The following ZNF774 variants were observed in gnomAD, a reference collection of about 807,000 sequenced individuals.
ZNF774 encodes the protein zinc finger protein 774.
Under a neutral mutation model 11.1 loss-of-function variants are expected in ZNF774, and 14 were observed. The ratio of observed to expected loss-of-function variants is 1.26; its 90% CI spans 0.83 to 1.97. The LOEUF (loss-of-function observed/expected upper bound fraction) is 1.97, where lower values mean the gene tolerates loss of function less well. ZNF774 is among the 30% of genes most tolerant of loss of function. The pLI, the probability that ZNF774 is intolerant of heterozygous loss-of-function variation, is 0.00. For synonymous variants in ZNF774, 195 were observed against 212.6 expected (o/e 0.92, Z 0.72); for missense variants, 599 against 587.0 (o/e 1.02, Z -0.21).
rs569922880 is a variant in ZNF774, at chr15:90,358,325, A to G, written c.105-526A>G. 2.2e-4 allele frequency among the ~76,000 whole-genome samples: 34 copies of G among 152,266 alleles called. No individual in the cohort carries two copies. The South Asian group carries it at 6.8e-3, about 31-fold the overall frequency. On this transcript the variant is annotated intron_variant, in intron 2 of 3. Coordinates refer to ENST00000354377, the MANE Select transcript of ZNF774 (RefSeq NM_001004309.3). ...TTGAGTTTGCACTCATTACCTCTAC[A>G]CTATATTGCCTCAGTGTATCATTGT...
At chr15:90,356,175 A>G (rs1468963328) in intron 2 of ZNF774, among the ~76,000 whole-genome samples, 7 of 140,654 alleles carry the variant, frequency 5.0e-5, no homozygotes, top group African/African-American at 1.6e-4. Flanking sequence ...CTGGAGTGCC[A>G]TGGCATGATC....
chr15:90,360,456 T>C lies in ZNF774; in HGVS notation c.625T>C (p.Cys209Arg), dbSNP rs1467337260. The C allele has an allele frequency of 3.7e-6, 6 of 1,613,520 alleles. No individual in the cohort carries two copies. Among genetic ancestry groups the C allele is most frequent in the Non-Finnish European group, 5.1e-6 (6 of 1,180,018 alleles). The change falls in exon 4 of 4, where the codon TGC (cysteine) becomes CGC (arginine). Residue 209 changes from cysteine to arginine, a missense_variant. Coordinates refer to ENST00000354377, the MANE Select transcript of ZNF774 (RefSeq NM_001004309.3). ...ACACACAGGAGAGAAGCCCTACCAA[T>C]GCAAGGGGTGTGAGAAGAAATTCAG... ...RTHTGEKPYQ[C>R]KGCEKKFSDS...
rs764269024 is a variant in ZNF774 at position 90,360,922 on chromosome 15, C to T, written c.1091C>T (p.Thr364Met). 1.2e-5 allele frequency: 19 copies of T among 1,613,692 alleles called. No individual in the cohort carries two copies. Among genetic ancestry groups the T allele is most frequent in the Middle Eastern group, 1.6e-4 (1 of 6,084 alleles). Residue 364 changes from threonine to methionine, a missense_variant, in exon 4 of 4, where the codon ACG becomes ATG. Thr to Met is a moderately conservative substitution (Grantham distance 81). Coordinates refer to ENST00000354377, the MANE Select transcript of ZNF774 (RefSeq NM_001004309.3). Reference protein sequence around the residue: ...KSFSQSSHLVTHQRTHTGERP... With the variant: ...KSFSQSSHLVMHQRTHTGERP... ...TTCAGTCAGAGCTCACATTTGGTCA[C>T]GCACCAAAGAACACACACAGGTGAG...
Position 90,358,459 on chromosome 15 carries a change from C to G in ZNF774, c.105-392C>G, listed in dbSNP as rs1596230763. ...CATGGCTTTTTTGACTGCTGCCATT[C>G]TGGGAAAATTTTAAAGCCCAACATT... On this transcript the variant is annotated intron_variant, in intron 2 of 3. Transcript: ENST00000354377. 4.6e-5 allele frequency among the ~76,000 whole-genome samples: 7 copies of G among 152,292 alleles called. 1 individual carries two copies. Among genetic ancestry groups the G allele is most frequent in the Admixed American group, 4.6e-4 (7 of 15,296 alleles).
chr15:90,360,542 C>G lies in ZNF774; in HGVS notation c.711C>G (p.Cys237Trp). 6.2e-7 allele frequency: 1 copy of G among 1,613,452 alleles called. No homozygotes were observed. ...ACACAGGGGAGAGACCCTATGAGTG[C>G]CCAGAGTGTGGAAAGACTTTTGGGC... Reference protein sequence around the residue: ...RTHTGERPYECPECGKTFGRK... With the variant: ...RTHTGERPYEWPECGKTFGRK... Residue 237 changes from cysteine to tryptophan, a missense_variant, in exon 4 of 4, where the codon TGC becomes TGG. Physicochemically the swap from Cys to Trp is radical, Grantham distance 215. Transcript: ENST00000354377.
chr15:90,359,059 AC>A, intron 3 of ZNF774, 102 bp downstream of exon 3: 204 of 650,002 alleles, frequency 3.1e-4, no homozygotes, highest in Middle Eastern at 6.1e-4. Flanking sequence ...TTACTAGCAG[AC>A]ATTTTTTTTT....
At chr15:90,353,586 C>A (rs554791548) in intron 1 of ZNF774, among the ~76,000 whole-genome samples, 1 of 147,886 alleles carries the variant, frequency 6.8e-6, no homozygotes, top group African/African-American at 2.5e-5. Flanking sequence ...GGTGGTCATG[C>A]TGGCTGCATT....
chr15:90,357,205 T>C (rs1964260713), intron 2 of ZNF774, among the ~76,000 whole-genome samples: 1 of 151,798 alleles, frequency 6.6e-6, no homozygotes, highest in African/African-American at 2.4e-5. Flanking sequence ...ACAGTGGGTA[T>C]TATAATTTAA....
chr15:90,362,612 G>A lies in ZNF774; in HGVS notation c.*1329G>A. 1 of 1,530,910 alleles carries A rather than the reference G, an allele frequency of 6.5e-7. No individual in the cohort carries two copies. Among genetic ancestry groups the A allele is most frequent in the East Asian group, 2.4e-5 (1 of 40,888 alleles). The allele number at this position is 1,530,910 out of a possible 1,614,324, so 94.8% of individuals were successfully genotyped here. A position where few individuals can be genotyped will look rare whatever the true frequency, so the allele number is the denominator to read the frequency against. On this transcript the variant is annotated 3_prime_UTR_variant, in exon 4 of 4. Transcript: ENST00000354377. Reference sequence around the variant, plus strand: ...AAATAAATTGAGGGACGGCAAGTGTGTTGGAAAGAACACCGACTTCATTGA... The same window carrying A: ...AAATAAATTGAGGGACGGCAAGTGTATTGGAAAGAACACCGACTTCATTGA...
intron 3 of ZNF774, among the ~76,000 whole-genome samples, chr15:90,359,627 A>T (rs1034209467): frequency 1.3e-5 from 2 of 151,706 alleles, no homozygotes; most frequent in African/African-American, 2.4e-5. Context: ...GCTAATTTTC[A>T]TATTTTTAGT....
Position 90,362,308 on chromosome 15 carries a change from C to T in ZNF774, c.*1025C>T. ...AGCTCTTTTAAATGGCAGTGTATGG[C>T]AGTGTATCTACCAGAGGTTTGCTGT... On this transcript the variant is annotated 3_prime_UTR_variant, in exon 4 of 4. Coordinates refer to ENST00000354377, the MANE Select transcript of ZNF774 (RefSeq NM_001004309.3). The T allele has an allele frequency of 2.0e-6, 1 of 505,726 alleles. No homozygotes were observed. Among genetic ancestry groups the T allele is most frequent in the Non-Finnish European group, 3.6e-6 (1 of 280,216 alleles). The allele number at this position is 505,726 out of a possible 1,614,324, so 31.3% of individuals were successfully genotyped here.
intron 1 of ZNF774, among the ~76,000 whole-genome samples, chr15:90,353,673 G>A (rs1831603817): frequency 6.6e-6 from 1 of 151,414 alleles, no homozygotes; most frequent in African/African-American, 2.4e-5. Context: ...ATAGCTCACT[G>A]CAGCCTGGAA....
In ZNF774 at chr15:90,360,541, G is replaced by A; in HGVS notation, c.710G>A (p.Cys237Tyr). The change falls in exon 4 of 4, where the codon TGC (cysteine) becomes TAC (tyrosine). Residue 237 changes from cysteine to tyrosine, a missense_variant. Physicochemically the swap from Cys to Tyr is radical, Grantham distance 194. Transcript: ENST00000354377. ...CACACAGGGGAGAGACCCTATGAGT[G>A]CCCAGAGTGTGGAAAGACTTTTGGG... ...RTHTGERPYE[C>Y]PECGKTFGRK... is the part of the protein sequence containing the mutation. The A allele has an allele frequency of 6.2e-7, 1 of 1,614,012 alleles. No homozygotes were observed. Among genetic ancestry groups the A allele is most frequent in the Non-Finnish European group, 8.5e-7 (1 of 1,180,014 alleles).
At chr15:90,355,554 C>G (rs1246274205) in intron 2 of ZNF774, 3 of 391,854 alleles carry the variant, frequency 7.7e-6, no homozygotes, top group Non-Finnish European at 1.5e-5. Context: ...GAAACCCTGT[C>G]TCTACTAAAA....
At chr15:90,357,896 AT>A (rs59624159) in intron 2 of ZNF774, among the ~76,000 whole-genome samples, 292 of 137,576 alleles carry the variant, frequency 2.1e-3, no homozygotes, top group Middle Eastern at 0.011. Flanking sequence ...TCTTATCCCA[AT>A]TTTTTTTTTT....
chr15:90,356,125 T>TTC (rs1302137318), intron 2 of ZNF774, among the ~76,000 whole-genome samples: 3 of 107,578 alleles, frequency 2.8e-5, no homozygotes, highest in South Asian at 3.8e-4. Context: ...CTTTCTTTCT[T>TTC]TTTTTTTTTT....
rs772291912 is a variant in ZNF774, at chr15:90,360,340, T to C, written c.509T>C (p.Leu170Pro). Residue 170 changes from leucine (L) to proline (P), a missense_variant, in exon 4 of 4, where the codon CTA becomes CCA. Physicochemically the swap from Leu to Pro is moderately conservative, Grantham distance 98. Transcript: ENST00000354377. The stretch of plus-strand genomic sequence containing the variant: ...CAGAGTTCCTATCTCATAAGACACC[T>C]AAGAACCCACACTGGCGAGAGGCCC... ...FNQSSYLIRH[L>P]RTHTGERPYT... 1 of 1,614,026 alleles carries C rather than the reference T, an allele frequency of 6.2e-7. No individual in the cohort carries two copies.
At chr15:90,357,211 T>C (rs977143358) in intron 2 of ZNF774, among the ~76,000 whole-genome samples, 3 of 151,864 alleles carry the variant, frequency 2.0e-5, no homozygotes, top group African/African-American at 7.3e-5. Context: ...GGTATTATAA[T>C]TTAAAGAGTC....
intron 2 of ZNF774, among the ~76,000 whole-genome samples, chr15:90,356,573 A>G (rs1163812492): frequency 1.3e-5 from 2 of 152,158 alleles, no homozygotes; most frequent in African/African-American, 4.8e-5. Context: ...ATCATCCCTA[A>G]TCCCACCAAT....
Sources: allele counts gnomAD v4.1 joint callset (sites outside exome capture counted in the v4.1 genomes callset), GRCh38; gene constraint gnomAD v4.1.1; transcripts MANE v1.5; gene names NCBI Gene and HGNC (gene_info 2026-07-23, HGNC 2026-07-21).